The following AKR1C4 variants were observed in gnomAD, a reference collection of about 807,000 sequenced individuals.
The protein encoded by AKR1C4 is 3-alpha-HSD1.
AKR1C4 carries 44 observed loss-of-function variants against 41.0 expected under a neutral mutation model. The ratio of observed to expected loss-of-function variants is 1.07; its 90% CI spans 0.84 to 1.38. The LOEUF is 1.38. AKR1C4 is among the 40% of genes most tolerant of loss of function. The pLI, the probability that AKR1C4 is intolerant of heterozygous loss-of-function variation, is 0.00. For missense variants in AKR1C4, 438 were observed against 387.9 expected (o/e 1.13, Z -1.09); for synonymous variants, 165 against 137.7 (o/e 1.20, Z -1.39).
At chr10:5,209,985 T>A (rs1164717232) in intron 5 of AKR1C4, among the ~76,000 whole-genome samples, 2 of 152,098 alleles carry the variant, frequency 1.3e-5, no homozygotes, top group Non-Finnish European at 2.9e-5. Context: ...CAGTCCAAAG[T>A]CTCATCTGAG....
intron 7 of AKR1C4, among the ~76,000 whole-genome samples, chr10:5,216,482 ATCTTT>A (rs10586998): frequency 0.11 from 17,145 of 152,202 alleles, 1,172 homozygotes; most frequent in Admixed American, 0.17. Context: ...TTCTGTTGAG[ATCTTT>A]TCTTCAGTTT....
Position 5,200,206 on chromosome 10 carries a change from T to C in AKR1C4, c.110T>C (p.Val37Ala), listed in dbSNP as rs782579157. ...GTTCCGAGGAACAGAGCTGTAGAGG[T>C]CACCAAATTAGCAATAGAAGCTGGC... is the stretch of plus-strand genomic sequence containing the variant. ...PEVPRNRAVEVTKLAIEAGFR... is the reference protein window; with the variant it reads ...PEVPRNRAVEATKLAIEAGFR... The change falls in exon 2 of 9, where the codon GTC becomes GCC. Residue 37 changes from valine to alanine, a missense_variant. By Grantham distance (64) the Val-to-Ala change is moderately conservative. Transcript: ENST00000263126. 4.3e-6 allele frequency: 7 copies of C among 1,613,894 alleles called. No homozygotes were observed. The Admixed American group carries it at 1.0e-4, about 23-fold the overall frequency.
Position 5,197,207 on chromosome 10 carries a change from C to T in AKR1C4, c.84+256C>T, listed in dbSNP as rs551704067. On this transcript the variant is annotated intron_variant, in intron 1 of 8. Transcript: ENST00000263126. Reference sequence around the variant, plus strand: ...TTATATGCTGTTTCTGTGTATTGCCCAGCTTGGCAGAATATATAAAACTCA... The same window carrying T: ...TTATATGCTGTTTCTGTGTATTGCCTAGCTTGGCAGAATATATAAAACTCA... 2.0e-5 allele frequency among the ~76,000 whole-genome samples: 3 copies of T among 152,236 alleles called. No homozygotes were observed. In the East Asian group the frequency reaches 5.8e-4, roughly 29 times the overall value.
At chr10:5,200,763 A>G (rs1554796869) in intron 2 of AKR1C4, among the ~76,000 whole-genome samples, 1 of 151,958 alleles carries the variant, frequency 6.6e-6, no homozygotes, top group African/African-American at 2.4e-5. Flanking sequence ...CTCACTCCCA[A>G]CCTAACCCAC....
intron 8 of AKR1C4, 90 bp downstream of exon 8, chr10:5,216,883 C>T (rs1293133671): frequency 4.7e-6 from 4 of 842,830 alleles, no homozygotes; most frequent in Non-Finnish European, 7.7e-6. Flanking sequence ...ACCAGGGAGA[C>T]AGAGGCCAGT....
chr10:5,208,026 A>G (rs560545624), intron 5 of AKR1C4, among the ~76,000 whole-genome samples: 1 of 150,954 alleles, frequency 6.6e-6, no homozygotes, highest in South Asian at 2.1e-4. Context: ...ACAATTGTGG[A>G]AATTTGATGC....
chr10:5,206,188 A>G, intron 4 of AKR1C4, 87 bp from the exon 5 acceptor site: 1 of 1,587,640 alleles, frequency 6.3e-7, no homozygotes, highest in Non-Finnish European at 8.6e-7. Context: ...ATATCTTAAC[A>G]GTTGTTGCTT....
intron 5 of AKR1C4, among the ~76,000 whole-genome samples, chr10:5,210,303 G>A (rs1832552633): frequency 6.6e-6 from 1 of 152,218 alleles, no homozygotes; most frequent in Non-Finnish European, 1.5e-5. Context: ...GCTTTGCAGG[G>A]TACAGCCTCC....
intron 5 of AKR1C4, among the ~76,000 whole-genome samples, chr10:5,206,985 A>T (rs377244021): frequency 4.6e-5 from 7 of 152,172 alleles, no homozygotes; most frequent in African/African-American, 1.7e-4. Flanking sequence ...TTGAGAGATA[A>T]GCTGAAAGGA....
Position 5,213,160 on chromosome 10 carries a change from G to C in AKR1C4, c.846+1G>C. On this transcript the variant is annotated splice_donor_variant, in intron 7 of 8. Transcript: ENST00000263126. LOFTEE classifies it high-confidence loss of function. ...GCAGCGGATCAGAGAGAACATCCAG[G>C]TGAGGAGTTGGGTGGGCATCAGGGC... The C allele has an allele frequency of 6.2e-7, 1 of 1,613,112 alleles. No individual in the cohort carries two copies. The highest frequency in any genetic ancestry group is 8.5e-7 in the Non-Finnish European group (1 of 1,179,954).
At chr10:5,200,041 C>T (rs55961423) in intron 1 of AKR1C4, 140 bp from the exon 2 acceptor site, 70,329 of 1,054,166 alleles carry the variant, frequency 0.067, 2,590 homozygotes, top group Middle Eastern at 0.097. Flanking sequence ...TGTATGCTCC[C>T]CTAGAGGTCT....
At chr10:5,200,086 C>T (rs1189515083) in intron 1 of AKR1C4, 95 bp from the exon 2 acceptor site, 1 of 1,498,566 alleles carries the variant, frequency 6.7e-7, no homozygotes, top group African/African-American at 1.4e-5. Flanking sequence ...AGCCACACCC[C>T]CACTGCACAC....
chr10:5,211,554 C>G (rs1832576049), intron 5 of AKR1C4, among the ~76,000 whole-genome samples: 1 of 152,196 alleles, frequency 6.6e-6, no homozygotes, highest in South Asian at 2.1e-4. Flanking sequence ...CTGAGACCAC[C>G]TCAGCCTGGT....
At chr10:5,205,872 A>C (rs781796979) in intron 4 of AKR1C4, 38 bp downstream of exon 4, 2 of 1,579,568 alleles carry the variant, frequency 1.3e-6, no homozygotes, top group Admixed American at 3.5e-5. Flanking sequence ...AAAGGAAGAC[A>C]AGAAGAGGTA....
chr10:5,218,009 A>G (rs1362474206), intron 8 of AKR1C4, among the ~76,000 whole-genome samples: 1 of 152,176 alleles, frequency 6.6e-6, no homozygotes, highest in Non-Finnish European at 1.5e-5. Flanking sequence ...ACATTTTTAG[A>G]TATCTTTATT....
At position 5,213,079 on chromosome 10, in the gene AKR1C4, G is replaced by C. The variant is rs1554798119; in HGVS notation, c.766G>C (p.Ala256Pro). 1 of 1,614,150 alleles carries C rather than the reference G, an allele frequency of 6.2e-7. No homozygotes were observed. The highest frequency in any genetic ancestry group is 1.7e-5 in the Admixed American group (1 of 60,024). ...KKHKQTPALI[A>P]LRYQLQRGVV... ...ACACAAACAAACCCCAGCCCTGATT[G>C]CCCTGCGCTACCAGCTGCAGCGTGG... Residue 256 changes from alanine to proline, a missense_variant, in exon 7 of 9, where the codon GCC becomes CCC. Coordinates refer to ENST00000263126, the MANE Select transcript of AKR1C4 (RefSeq NM_001818.5).
chr10:5,197,651 A>AT (rs1367657947), intron 1 of AKR1C4, among the ~76,000 whole-genome samples: 3 of 152,188 alleles, frequency 2.0e-5, no homozygotes, highest in Non-Finnish European at 4.4e-5. Context: ...AAATGGAGAC[A>AT]TTTTTTCTAG....
chr10:5,200,193 A>T lies in AKR1C4; in HGVS notation c.97A>T (p.Arg33Ter), dbSNP rs995580100. The T allele has an allele frequency of 9.3e-6, 15 of 1,611,436 alleles. No individual in the cohort carries two copies. The highest frequency in any genetic ancestry group is 2.7e-5 in the African/African-American group (2 of 74,818). Residue 33 changes from arginine to a stop codon, truncating the protein, a stop_gained, in exon 2 of 9, where the codon AGA becomes TGA. Coordinates refer to ENST00000263126, the MANE Select transcript of AKR1C4 (RefSeq NM_001818.5). LOFTEE classifies it high-confidence loss of function. ...GTTGCTCCTTCAGGTTCCGAGGAAC[A>T]GAGCTGTAGAGGTCACCAAATTAGC... ...TYAPPEVPRN[R>*]AVEVTKLAIE...
intron 4 of AKR1C4, 80 bp from the exon 5 acceptor site, chr10:5,206,195 G>T (rs1383463319): frequency 4.4e-6 from 7 of 1,596,444 alleles, no homozygotes; most frequent in Non-Finnish European, 6.0e-6. Context: ...AACAGTTGTT[G>T]CTTTAACAGT....
Sources: gnomAD v4.1 joint callset for allele counts (sites outside exome capture counted in the v4.1 genomes callset) on GRCh38, gnomAD v4.1.1 for gene constraint, MANE v1.5 for transcripts, NCBI Gene and HGNC (gene_info 2026-07-23, HGNC 2026-07-21) for gene names.